Variants in MALRD1 observed in about 807,000 individuals in gnomAD.
MALRD1 encodes the protein MAM and LDL receptor class A domain containing 1.
Under a neutral mutation model 242.1 loss-of-function variants are expected in MALRD1, and 247 were observed. The observed-to-expected ratio is 1.02, with a 90% confidence interval of 0.92 to 1.13. The LOEUF (loss-of-function observed/expected upper bound fraction) is 1.13. Among genes scored for constraint, MALRD1 ranks in the 50% most tolerant of loss-of-function variants. The pLI is 0.00. For missense variants in MALRD1, 2,989 were observed against 2,533.1 expected, an observed-to-expected ratio of 1.18 and a Z score of -3.86; for synonymous variants, 995 against 866.6, an observed-to-expected ratio of 1.15 and a Z score of -2.60.
At chr10:19,571,734 C>A (rs1379306418) in intron 33 of MALRD1, among the ~76,000 whole-genome samples, 1 of 152,038 alleles carries the variant, frequency 6.6e-6, no homozygotes, top group Admixed American at 6.5e-5. Context: ...TACTTCAGCC[C>A]TTAGGAAATG....
intron 38 of MALRD1, among the ~76,000 whole-genome samples, chr10:19,706,874 A>G (rs768097060): frequency 2.6e-4 from 39 of 152,254 alleles, no homozygotes; most frequent in Non-Finnish European, 3.4e-4. Context: ...CTGGATATTC[A>G]TAATCCTGGA....
intron 14 of MALRD1, among the ~76,000 whole-genome samples, chr10:19,195,230 A>G (rs1184690747): frequency 1.3e-5 from 2 of 152,192 alleles, no homozygotes; most frequent in Non-Finnish European, 2.9e-5. Flanking sequence ...ACTAAAAGCA[A>G]TATTTGCAGG....
chr10:19,166,299 A>G (rs997464342), intron 13 of MALRD1, among the ~76,000 whole-genome samples: 2 of 152,194 alleles, frequency 1.3e-5, no homozygotes, highest in Non-Finnish European at 2.9e-5. Flanking sequence ...ACTGGAGGAC[A>G]TTATACAAAG....
intron 26 of MALRD1, among the ~76,000 whole-genome samples, chr10:19,368,891 TTGTG>T (rs71387066): frequency 0.024 from 1,923 of 79,466 alleles, 14 homozygotes; most frequent in Non-Finnish European, 0.033. Flanking sequence ...GTGTGTGTGT[TTGTG>T]TGTGTGTGTG....
At chr10:19,219,487 A>G (rs984707023) in intron 18 of MALRD1, among the ~76,000 whole-genome samples, 22 of 152,070 alleles carry the variant, frequency 1.4e-4, no homozygotes, top group Admixed American at 5.9e-4. Context: ...CCCAGACTGG[A>G]GTTCAGCGCC....
intron 32 of MALRD1, among the ~76,000 whole-genome samples, chr10:19,564,274 T>A (rs1027146344): frequency 1.3e-5 from 2 of 152,168 alleles, no homozygotes; most frequent in Non-Finnish European, 2.9e-5. Flanking sequence ...AGTTTCTTCA[T>A]CAAAAAATTT....
At chr10:19,167,913 CTACTT>C (rs1834768307) in intron 13 of MALRD1, among the ~76,000 whole-genome samples, 1 of 152,200 alleles carries the variant, frequency 6.6e-6, no homozygotes, top group African/African-American at 2.4e-5. Flanking sequence ...TTACTGTTCT[CTACTT>C]TATACAGTTA....
At chr10:19,704,027 G>A (rs1391180108) in intron 38 of MALRD1, among the ~76,000 whole-genome samples, 1 of 152,106 alleles carries the variant, frequency 6.6e-6, no homozygotes, top group African/African-American at 2.4e-5. Flanking sequence ...CTTTGACTGG[G>A]GAAACATTTG....
rs1833971591 is a variant in MALRD1 at position 19,708,589 on chromosome 10, T to C, written c.6314+16035T>C. On this transcript the variant is annotated intron_variant, in intron 38 of 39. Transcript: ENST00000454679. The stretch of plus-strand genomic sequence containing the variant: ...TCAAACTCCTGGGCTCAAGTGATTC[T>C]CCTGCCGGGGCCTCCCAAAGTACTG... Among the ~76,000 whole-genome samples the C allele has an allele frequency of 2.7e-5, 3 of 112,502 alleles. 1 individual carries two copies. The highest frequency in any genetic ancestry group is 1.1e-4 in the Admixed American group (1 of 9,476). The allele number at this position is 112,502 out of a possible 152,430, so 73.8% of individuals were successfully genotyped here. A position where few individuals can be genotyped will look rare whatever the true frequency, so the allele number is the denominator to read the frequency against.
chr10:19,289,383 G>A (rs942996817), intron 21 of MALRD1, among the ~76,000 whole-genome samples: 2 of 152,108 alleles, frequency 1.3e-5, no homozygotes, highest in African/African-American at 2.4e-5. Context: ...TGCATAATAG[G>A]CCTCAATAAT....
intron 2 of MALRD1, among the ~76,000 whole-genome samples, chr10:19,070,188 A>G (rs918623562): frequency 6.6e-6 from 1 of 152,172 alleles, no homozygotes; most frequent in Non-Finnish European, 1.5e-5. Context: ...CTCAAATTAT[A>G]ATAGGATTAT....
At chr10:19,493,645 T>TA (rs758905906) in intron 30 of MALRD1, among the ~76,000 whole-genome samples, 3,477 of 122,002 alleles carry the variant, frequency 0.028, 139 homozygotes, top group African/African-American at 0.087. Flanking sequence ...CCGTCTCTAC[T>TA]AAAAAAAAAA....
At chr10:19,472,418 G>T (rs1354474218) in intron 29 of MALRD1, among the ~76,000 whole-genome samples, 2 of 151,918 alleles carry the variant, frequency 1.3e-5, no homozygotes, top group African/African-American at 2.4e-5. Context: ...TCTCGTAAAT[G>T]AACTTGGAAG....
intron 36 of MALRD1, among the ~76,000 whole-genome samples, chr10:19,645,263 C>CT (rs1488599844): frequency 6.6e-6 from 1 of 152,116 alleles, no homozygotes; most frequent in East Asian, 1.9e-4. Flanking sequence ...AATAGGAACA[C>CT]TTTTACACTG....
At chr10:19,447,537 G>A (rs533190936) in intron 28 of MALRD1, among the ~76,000 whole-genome samples, 62 of 151,980 alleles carry the variant, frequency 4.1e-4, no homozygotes, top group Middle Eastern at 6.8e-3. Flanking sequence ...GAAATGATTC[G>A]CATTTTTTGA....
intron 19 of MALRD1, among the ~76,000 whole-genome samples, chr10:19,271,518 A>C (rs1840241347): frequency 6.6e-6 from 1 of 152,206 alleles, no homozygotes; most frequent in Admixed American, 6.5e-5. Flanking sequence ...TAATCCCAGC[A>C]CTTTGGGAGG....
intron 12 of MALRD1, among the ~76,000 whole-genome samples, chr10:19,156,010 G>A (rs1015236911): frequency 3.9e-5 from 6 of 152,196 alleles, no homozygotes; most frequent in Middle Eastern, 3.4e-3. Context: ...CCTTTTGAGA[G>A]CTCCAACATG....
chr10:19,236,747 A>T (rs958825776), intron 18 of MALRD1, among the ~76,000 whole-genome samples: 1 of 152,124 alleles, frequency 6.6e-6, no homozygotes, highest in African/African-American at 2.4e-5. Context: ...TTTATTTCAG[A>T]TACGTTTTTC....
At position 19,607,809 on chromosome 10, in the gene MALRD1, T is replaced by G. The variant is rs1234082023; in HGVS notation, c.5977T>G (p.Cys1993Gly). 9 of 1,549,852 alleles carry G rather than the reference T, an allele frequency of 5.8e-6. No homozygotes were observed. The highest frequency in any genetic ancestry group is 2.4e-5 in the South Asian group (2 of 84,036). Reference protein sequence around the residue: ...NKSCSNGALVCASSNSCIPAH... With the variant: ...NKSCSNGALVGASSNSCIPAH... Reference sequence around the variant, plus strand: ...AAGCTGTTCTAATGGAGCTCTGGTGTGTGCCTCCTCCAACAGCTGTATCCC... The same window carrying G: ...AAGCTGTTCTAATGGAGCTCTGGTGGGTGCCTCCTCCAACAGCTGTATCCC... The change falls in exon 35 of 40, where the codon TGT becomes GGT. Residue 1993 changes from cysteine (C) to glycine (G), a missense_variant. Physicochemically the swap from Cys to Gly is radical, Grantham distance 159. Coordinates refer to ENST00000454679, the MANE Select transcript of MALRD1 (RefSeq NM_001142308.3).
Sources: allele counts gnomAD v4.1 joint callset (sites outside exome capture counted in the v4.1 genomes callset), GRCh38; gene constraint gnomAD v4.1.1; transcripts MANE v1.5; gene names NCBI Gene and HGNC (gene_info 2026-07-23, HGNC 2026-07-21).